CEP85L: variants seen among roughly 807,000 people sequenced by gnomAD.
The protein encoded by CEP85L is centrosomal protein of 85 kDa-like.
In CEP85L, 60 loss-of-function variants were observed where a neutral mutation model predicts 100.3. The ratio of observed to expected loss-of-function variants is 0.60; its 90% CI spans 0.49 to 0.74. The LOEUF is 0.74. Ranked by LOEUF, CEP85L falls within the 30% of genes least tolerant of loss-of-function variation. The pLI is 0.00. For synonymous variants in CEP85L, 319 were observed against 322.7 expected, an observed-to-expected ratio of 0.99 and a Z score of 0.12; for missense variants, 973 against 936.2, an observed-to-expected ratio of 1.04 and a Z score of -0.51.
At chr6:118,612,409 G>A (rs1772687995) in intron 2 of CEP85L, among the ~76,000 whole-genome samples, 1 of 151,688 alleles carries the variant, frequency 6.6e-6, no homozygotes, top group South Asian at 2.1e-4. Context: ...TATAATCCCG[G>A]CACTTTGTGA....
intron 1 of CEP85L, among the ~76,000 whole-genome samples, chr6:118,665,108 A>G (rs1233990212): frequency 1.3e-5 from 2 of 152,122 alleles, no homozygotes; most frequent in African/African-American, 2.4e-5. Context: ...GAGGAGAAAA[A>G]TGCTGGAGAC....
Position 118,651,450 on chromosome 6 carries a change from G to A in CEP85L, c.-181C>T. 3.8e-6 allele frequency: 5 copies of A among 1,321,132 alleles called. No individual in the cohort carries two copies. Among genetic ancestry groups the A allele is most frequent in the Non-Finnish European group, 4.8e-6 (5 of 1,038,836 alleles). 81.8% of individuals were successfully genotyped at this position (1,321,132 alleles called of 1,614,324 possible). A position where few individuals can be genotyped will look rare whatever the true frequency, so the allele number is the denominator to read the frequency against. On this transcript the variant is annotated 5_prime_UTR_variant, in exon 1 of 13. Transcript: ENST00000368491. ...GGGGAGCGCAGGGGCCAGATTCGCC[G>A]CACTGCCGGCGCCTGCCATGGCCAA... is the stretch of plus-strand genomic sequence containing the variant.
In CEP85L at chr6:118,709,532, C is replaced by CGTGTGTGT. The variant is rs1209782027; in HGVS notation, c.-28+496_-28+503dup. Reference sequence around the variant, plus strand: ...AAAGATAACCAGTAACAACAATTGGCGTGTGTGTGTGTGTGTGTGTGTGTG... The same window carrying CGTGTGTGT: ...AAAGATAACCAGTAACAACAATTGGCGTGTGTGTGTGTGTGTGTGTGTGTGTGTGTGTG... On this transcript the variant is annotated intron_variant, in intron 1 of 13. Coordinates refer to the CEP85L transcript ENST00000368488. 8.7e-3 allele frequency among the ~76,000 whole-genome samples: 761 copies of CGTGTGTGT among 87,206 alleles called. 17 individuals carry two copies. Among genetic ancestry groups the CGTGTGTGT allele is most frequent in the Middle Eastern group, 0.011 (2 of 174 alleles). 57.2% of individuals were successfully genotyped at this position (87,206 alleles called of 152,430 possible).
At chr6:118,532,546 GT>G (rs1287065712) in intron 3 of CEP85L, among the ~76,000 whole-genome samples, 1 of 152,066 alleles carries the variant, frequency 6.6e-6, no homozygotes, top group East Asian at 1.9e-4. Flanking sequence ...AGAGCAAAAA[GT>G]AAATAAAACT....
Position 118,651,571 on chromosome 6 carries a change from A to G in CEP85L, c.-302T>C, listed in dbSNP as rs1272907064. 2.6e-6 allele frequency: 3 copies of G among 1,136,244 alleles called. No individual in the cohort carries two copies. Among genetic ancestry groups the G allele is most frequent in the South Asian group, 3.7e-5 (1 of 27,086 alleles). The allele number at this position is 1,136,244 out of a possible 1,614,324, so 70.4% of individuals were successfully genotyped here. A position where few individuals can be genotyped will look rare whatever the true frequency, so the allele number is the denominator to read the frequency against. The stretch of plus-strand genomic sequence containing the variant: ...GCCCAGGCTCAAAGGCTCCAGGCGA[A>G]GTTGCAGCTGCGGGTTCTCTCCGCC... On this transcript the variant is annotated 5_prime_UTR_variant, in exon 1 of 13. Transcript: ENST00000368491.
At chr6:118,681,618 A>G (rs186263880) in intron 1 of CEP85L, among the ~76,000 whole-genome samples, 160 of 152,076 alleles carry the variant, frequency 1.1e-3, no homozygotes, top group African/African-American at 3.8e-3. Context: ...TTCCCTCGAA[A>G]TTTTCCTGCA....
chr6:118,605,312 C>G (rs1772117045), intron 2 of CEP85L, among the ~76,000 whole-genome samples: 1 of 152,216 alleles, frequency 6.6e-6, no homozygotes. Flanking sequence ...TCAGCCCATC[C>G]TTCATGGAAG....
At chr6:118,525,062 C>A (rs1003459659) in intron 3 of CEP85L, among the ~76,000 whole-genome samples, 1 of 152,150 alleles carries the variant, frequency 6.6e-6, no homozygotes, top group Non-Finnish European at 1.5e-5. Context: ...TTCCAATCAC[C>A]CTTCAAGGTG....
chr6:118,553,323 A>G (rs1778663594), intron 3 of CEP85L, among the ~76,000 whole-genome samples: 1 of 152,080 alleles, frequency 6.6e-6, no homozygotes, highest in African/African-American at 2.4e-5. Flanking sequence ...AAGGTCACAG[A>G]CAACTCCAAA....
At chr6:118,570,232 A>G (rs907026723) in intron 2 of CEP85L, among the ~76,000 whole-genome samples, 4 of 152,214 alleles carry the variant, frequency 2.6e-5, no homozygotes, top group African/African-American at 9.6e-5. Flanking sequence ...TCTTATTTTA[A>G]TTGCTTCCAA....
intron 2 of CEP85L, among the ~76,000 whole-genome samples, chr6:118,592,292 A>G (rs969700191): frequency 1.3e-5 from 2 of 151,732 alleles, no homozygotes; most frequent in Non-Finnish European, 2.9e-5. Flanking sequence ...CCACTTGAAA[A>G]GCTATATAAC....
chr6:118,533,366 A>C (rs987368395), intron 3 of CEP85L, among the ~76,000 whole-genome samples: 2 of 152,156 alleles, frequency 1.3e-5, no homozygotes, highest in Admixed American at 6.5e-5. Context: ...CAATAACTTG[A>C]ATTAGACCAA....
At chr6:118,709,552 TGTGTGA>T (rs1428518647) in intron 1 of CEP85L, among the ~76,000 whole-genome samples, 1 of 148,574 alleles carries the variant, frequency 6.7e-6, no homozygotes, top group Non-Finnish European at 1.5e-5. Context: ...TGTGTGTGTG[TGTGTGA>T]GAGAGAGAGA....
At chr6:118,627,992 T>C (rs372597174) in intron 2 of CEP85L, among the ~76,000 whole-genome samples, 18 of 152,252 alleles carry the variant, frequency 1.2e-4, no homozygotes, top group African/African-American at 4.1e-4. Context: ...GAGAAGCATC[T>C]GTGAAGTTAC....
At chr6:118,493,706 G>A (rs1473883229) in intron 5 of CEP85L, among the ~76,000 whole-genome samples, 1 of 152,086 alleles carries the variant, frequency 6.6e-6, no homozygotes, top group East Asian at 1.9e-4. Flanking sequence ...TAACTAATAC[G>A]GAAGATTATC....
chr6:118,496,019 A>C (rs1052609817), intron 5 of CEP85L, among the ~76,000 whole-genome samples: 1 of 152,250 alleles, frequency 6.6e-6, no homozygotes, highest in Non-Finnish European at 1.5e-5. Context: ...GAATGATTAC[A>C]TATCAGAAAA....
At chr6:118,475,638 G>A (rs1360029600) in intron 10 of CEP85L, among the ~76,000 whole-genome samples, 1 of 152,126 alleles carries the variant, frequency 6.6e-6, no homozygotes, top group East Asian at 1.9e-4. Context: ...ACAGGTGTGA[G>A]CCACCACGCC....
intron 10 of CEP85L, among the ~76,000 whole-genome samples, chr6:118,479,168 C>T (rs1459545840): frequency 6.6e-6 from 1 of 152,058 alleles, no homozygotes; most frequent in Admixed American, 6.6e-5. Context: ...GTCAATCAAT[C>T]CATCAGGCTC....
chr6:118,498,992 C>T (rs1486791630), intron 5 of CEP85L, among the ~76,000 whole-genome samples: 1 of 152,196 alleles, frequency 6.6e-6, no homozygotes, highest in African/African-American at 2.4e-5. Flanking sequence ...GATTAAACAA[C>T]ACACTTCTAC....
Sources: gnomAD v4.1 joint callset for allele counts (sites outside exome capture counted in the v4.1 genomes callset) on GRCh38, gnomAD v4.1.1 for gene constraint, MANE v1.5 for transcripts, NCBI Gene and HGNC (gene_info 2026-07-23, HGNC 2026-07-21) for gene names.